CNTN4: variants seen among roughly 807,000 people sequenced by gnomAD.
The protein encoded by CNTN4 is contactin-4.
In CNTN4, 77 loss-of-function variants were observed where a neutral mutation model predicts 122.5. The observed-to-expected ratio is 0.63, with a 90% confidence interval of 0.52 to 0.76. The LOEUF is 0.76. CNTN4 is among the 30% of genes least tolerant of loss of function. The pLI, the probability that CNTN4 is intolerant of heterozygous loss-of-function variation, is 0.00. For missense variants in CNTN4, 1,256 were observed against 1,259.1 expected, an observed-to-expected ratio of 1.00 and a Z score of 0.04; for synonymous variants, 512 against 447.0, an observed-to-expected ratio of 1.15 and a Z score of -1.83.
At chr3:2,447,679 AAT>A (rs2151328365) in intron 3 of CNTN4, among the ~76,000 whole-genome samples, 1 of 152,248 alleles carries the variant, frequency 6.6e-6, no homozygotes, top group Admixed American at 6.5e-5. Context: ...ATTCTGAATG[AAT>A]ATATTAAAAA....
At chr3:2,698,029 G>A (rs574096943) in intron 4 of CNTN4, among the ~76,000 whole-genome samples, 4 of 152,106 alleles carry the variant, frequency 2.6e-5, no homozygotes, top group South Asian at 2.1e-4. Context: ...AAATGGGTAC[G>A]ATAGCCAAGC....
At chr3:3,009,516 CTCCGCCCCCCGGGT>C (rs1471587275) in intron 14 of CNTN4, among the ~76,000 whole-genome samples, 1 of 151,130 alleles carries the variant, frequency 6.6e-6, no homozygotes, top group African/African-American at 2.4e-5. Context: ...TCACTGCAAG[CTCCGCCCCCCGGGT>C]TCCCGCCATT....
chr3:2,161,876 C>G (rs1040336253), intron 2 of CNTN4, among the ~76,000 whole-genome samples: 1 of 152,070 alleles, frequency 6.6e-6, no homozygotes, highest in Non-Finnish European at 1.5e-5. Flanking sequence ...ATCAGATAAA[C>G]TACTTAGGTC....
intron 5 of CNTN4, among the ~76,000 whole-genome samples, chr3:2,744,015 A>G (rs1248658052): frequency 6.6e-6 from 1 of 152,132 alleles, no homozygotes; most frequent in African/African-American, 2.4e-5. Flanking sequence ...GCGTTGTGCC[A>G]TGTTGCCCAA....
intron 4 of CNTN4, among the ~76,000 whole-genome samples, chr3:2,671,905 AAACAGCAAATATTGCTG>A (rs368172423): frequency 0.18 from 27,373 of 151,834 alleles, 3,500 homozygotes; most frequent in African/African-American, 0.36. Context: ...GGAGGCTGCA[AAACAGCAAATATTGCTG>A]AACAGCAAAT....
intron 2 of CNTN4, among the ~76,000 whole-genome samples, chr3:2,268,943 CT>C (rs534957990): frequency 9.2e-5 from 14 of 152,190 alleles, no homozygotes; most frequent in African/African-American, 3.1e-4. Flanking sequence ...GGCTGATTAT[CT>C]TGTGCTAAAT....
intron 2 of CNTN4, among the ~76,000 whole-genome samples, chr3:2,281,613 C>G (rs1153485): frequency 5.3e-5 from 8 of 152,072 alleles, no homozygotes; most frequent in Middle Eastern, 3.2e-3. Flanking sequence ...CCAACTGATA[C>G]GTTTTTACTT....
intron 2 of CNTN4, among the ~76,000 whole-genome samples, chr3:2,292,764 A>G (rs1051956301): frequency 3.3e-5 from 5 of 152,226 alleles, no homozygotes; most frequent in African/African-American, 1.2e-4. Flanking sequence ...TCAATTCCAG[A>G]TAGTATTCTA....
At chr3:2,223,645 G>A (rs1425873612) in intron 2 of CNTN4, among the ~76,000 whole-genome samples, 1 of 152,092 alleles carries the variant, frequency 6.6e-6, no homozygotes, top group East Asian at 1.9e-4. Flanking sequence ...ATCTGGGATC[G>A]TGGCTGGTAC....
intron 13 of CNTN4, among the ~76,000 whole-genome samples, chr3:2,968,861 C>T (rs1488887210): frequency 6.6e-6 from 1 of 152,168 alleles, no homozygotes; most frequent in Non-Finnish European, 1.5e-5. Context: ...CAGATGTTTC[C>T]TCTGTATACA....
chr3:2,099,364 C>T (rs1440378202), intron 1 of CNTN4: 1 of 152,362 alleles, frequency 6.6e-6, no homozygotes, highest in Non-Finnish European at 1.5e-5. Flanking sequence ...GTCAGCTCCT[C>T]CGACTGGTTC....
chr3:2,635,169 C>T (rs1413094631), intron 4 of CNTN4, among the ~76,000 whole-genome samples: 1 of 152,120 alleles, frequency 6.6e-6, no homozygotes, highest in Non-Finnish European at 1.5e-5. Context: ...TGCCACCACT[C>T]TGGATAACTG....
chr3:2,835,663 T>C (rs2093209090), intron 7 of CNTN4, among the ~76,000 whole-genome samples: 1 of 152,144 alleles, frequency 6.6e-6, no homozygotes, highest in Non-Finnish European at 1.5e-5. Flanking sequence ...TTCTGATACC[T>C]ACTGGGTCAA....
intron 4 of CNTN4, among the ~76,000 whole-genome samples, chr3:2,649,182 G>C (rs994736551): frequency 6.6e-6 from 1 of 152,182 alleles, no homozygotes; most frequent in African/African-American, 2.4e-5. Flanking sequence ...ACTGCAGCAA[G>C]TTTTCCAGAT....
intron 2 of CNTN4, among the ~76,000 whole-genome samples, chr3:2,293,001 C>T (rs2042188243): frequency 6.6e-6 from 1 of 152,198 alleles, no homozygotes; most frequent in Non-Finnish European, 1.5e-5. Context: ...GTCACATTTA[C>T]ACTGTTACCA....
intron 6 of CNTN4, among the ~76,000 whole-genome samples, chr3:2,795,741 C>A (rs927667869): frequency 6.6e-6 from 1 of 151,852 alleles, no homozygotes; most frequent in Non-Finnish European, 1.5e-5. Context: ...AGAATGGTCT[C>A]GATCTCCTGA....
At chr3:2,308,820 G>A (rs562003225) in intron 2 of CNTN4, among the ~76,000 whole-genome samples, 12 of 151,908 alleles carry the variant, frequency 7.9e-5, no homozygotes, top group East Asian at 3.9e-4. Flanking sequence ...TTATAAAACC[G>A]TTAATATTTC....
chr3:2,916,405 T>C (rs2151276455), intron 12 of CNTN4, among the ~76,000 whole-genome samples: 1 of 149,062 alleles, frequency 6.7e-6, no homozygotes, highest in South Asian at 2.2e-4. Context: ...GTGATGACTG[T>C]TAAGGAGCAT....
Position 2,447,101 on chromosome 3 carries a change from C to T in CNTN4, c.-89+107868C>T, listed in dbSNP as rs547235195. Among the ~76,000 whole-genome samples, 9 of 152,214 alleles carry T rather than the reference C, an allele frequency of 5.9e-5. No homozygotes were observed. In the South Asian group the frequency reaches 1.9e-3, roughly 32 times the overall value. ...ACTATCATTATTCCTCTACTAACTGCCTTCTATTATAATGAGTCTTCTTTT... is the reference window on the plus strand; with the variant it reads ...ACTATCATTATTCCTCTACTAACTGTCTTCTATTATAATGAGTCTTCTTTT... On this transcript the variant is annotated intron_variant, in intron 3 of 24. Transcript: ENST00000418658.
Sources: allele counts gnomAD v4.1 joint callset (sites outside exome capture counted in the v4.1 genomes callset), GRCh38; gene constraint gnomAD v4.1.1; transcripts MANE v1.5; gene names NCBI Gene and HGNC (gene_info 2026-07-23, HGNC 2026-07-21).